Variants in ANKHD1 observed in about 807,000 individuals in gnomAD.
The protein encoded by ANKHD1 is ankyrin repeat and KH domain-containing protein 1.
Under a neutral mutation model 230.5 loss-of-function variants are expected in ANKHD1, and 31 were observed. That is an observed-to-expected ratio of 0.13 (90% confidence interval 0.10 to 0.18). The LOEUF (loss-of-function observed/expected upper bound fraction) is 0.18. Ranked by LOEUF, ANKHD1 falls within the 10% of genes least tolerant of loss-of-function variation. The pLI is 1.00. For missense variants in ANKHD1, 2,256 were observed against 3,071.3 expected, an observed-to-expected ratio of 0.73 and a Z score of 6.27; for synonymous variants, 1,074 against 1,117.6, an observed-to-expected ratio of 0.96 and a Z score of 0.78.
At chr5:140,453,240 G>T (rs953277116) in intron 7 of ANKHD1, among the ~76,000 whole-genome samples, 3 of 152,212 alleles carry the variant, frequency 2.0e-5, no homozygotes, top group Non-Finnish European at 4.4e-5. Flanking sequence ...CGTCTGATTG[G>T]TGTACCTGAA....
intron 1 of ANKHD1, among the ~76,000 whole-genome samples, chr5:140,422,822 A>G (rs923895779): frequency 1.5e-4 from 23 of 148,520 alleles, no homozygotes; most frequent in Admixed American, 1.2e-3. Flanking sequence ...GGGGGAAAAA[A>G]GACATCAGTC....
At chr5:140,480,448 T>A (rs1215046208) in intron 10 of ANKHD1, among the ~76,000 whole-genome samples, 2 of 152,126 alleles carry the variant, frequency 1.3e-5, no homozygotes. Context: ...TTTTCATGAT[T>A]TCATTTGAAA....
At chr5:140,424,921 G>T (rs1242791230) in intron 1 of ANKHD1, among the ~76,000 whole-genome samples, 1 of 152,174 alleles carries the variant, frequency 6.6e-6, no homozygotes, top group Non-Finnish European at 1.5e-5. Flanking sequence ...TCTTGGGCCA[G>T]TCACTTAACA....
intron 23 of ANKHD1, 113 bp downstream of exon 23, chr5:140,513,036 C>T (rs1752835352): frequency 9.7e-7 from 1 of 1,034,428 alleles, no homozygotes; most frequent in African/African-American, 1.6e-5. Context: ...CACCTGATCT[C>T]TTTATGCGTT....
At chr5:140,435,176 G>A (rs1773342618) in intron 1 of ANKHD1, among the ~76,000 whole-genome samples, 1 of 152,108 alleles carries the variant, frequency 6.6e-6, no homozygotes, top group Admixed American at 6.5e-5. Context: ...CCAGGTATCA[G>A]TGGGTTAGTT....
At chr5:140,416,244 A>C (rs1771378276) in intron 1 of ANKHD1, among the ~76,000 whole-genome samples, 1 of 152,174 alleles carries the variant, frequency 6.6e-6, no homozygotes, top group South Asian at 2.1e-4. Flanking sequence ...GCCGCAGTAA[A>C]CGTACGTGTG....
intron 1 of ANKHD1, among the ~76,000 whole-genome samples, chr5:140,402,899 A>G (rs889811664): frequency 6.7e-6 from 1 of 150,090 alleles, no homozygotes; most frequent in Admixed American, 6.6e-5. Flanking sequence ...GCTTCGGAAT[A>G]GCTGGGTAGC....
At chr5:140,522,975 G>A (rs1581371635) in intron 24 of ANKHD1, among the ~76,000 whole-genome samples, 1 of 151,502 alleles carries the variant, frequency 6.6e-6, no homozygotes, top group East Asian at 1.9e-4. Flanking sequence ...ATTTTCTTTG[G>A]AGAAATGTCT....
At chr5:140,489,631 T>C (rs1275702618) in intron 14 of ANKHD1, among the ~76,000 whole-genome samples, 1 of 152,258 alleles carries the variant, frequency 6.6e-6, no homozygotes, top group Non-Finnish European at 1.5e-5. Context: ...ATTTTTTAAG[T>C]TTATACTCTA....
intron 30 of ANKHD1, chr5:140,535,890 A>C (rs1369859242): frequency 2.1e-5 from 1 of 47,952 alleles, no homozygotes; most frequent in Admixed American, 2.4e-4. Context: ...CCCTGTCTCT[A>C]TTAAAAAAAA....
At chr5:140,456,060 T>G (rs1775158908) in intron 7 of ANKHD1, among the ~76,000 whole-genome samples, 1 of 152,116 alleles carries the variant, frequency 6.6e-6, no homozygotes, top group Non-Finnish European at 1.5e-5. Flanking sequence ...AGCATTCTTA[T>G]ACACCAATAA....
chr5:140,472,144 C>T, intron 10 of ANKHD1: 1 of 971,264 alleles, frequency 1.0e-6, no homozygotes, highest in Non-Finnish European at 1.6e-6. Flanking sequence ...TTAACAAAGC[C>T]CACCATCTGA....
rs567550820 is a variant in ANKHD1, at chr5:140,436,145, A to C, written c.348A>C (p.Pro116=). The change falls in exon 2 of 34, where the codon CCA becomes CCC. Residue 116 remains proline, a synonymous_variant. Transcript: ENST00000360839. ...FILDQEDLDN[P]VLKTTSEIFL... ...TGGACCAAGAAGATCTGGATAACCCAGTGCTTAAAACAACATCAGAGATAT... is the reference window on the plus strand; with the variant it reads ...TGGACCAAGAAGATCTGGATAACCCCGTGCTTAAAACAACATCAGAGATAT... 2 of 1,600,722 alleles carry C rather than the reference A, an allele frequency of 1.2e-6. No individual in the cohort carries two copies. The highest frequency in any genetic ancestry group is 2.3e-5 in the East Asian group (1 of 44,128).
At chr5:140,515,677 C>T (rs891554042) in intron 24 of ANKHD1, among the ~76,000 whole-genome samples, 2 of 152,212 alleles carry the variant, frequency 1.3e-5, no homozygotes, top group African/African-American at 4.8e-5. Flanking sequence ...CACCCCCCAG[C>T]AGGGTCAGAC....
At chr5:140,458,347 G>A (rs1414118019) in intron 7 of ANKHD1, among the ~76,000 whole-genome samples, 1 of 151,958 alleles carries the variant, frequency 6.6e-6, no homozygotes, top group Non-Finnish European at 1.5e-5. Flanking sequence ...AAATTATTTG[G>A]ATTTGTGACT....
At chr5:140,532,580 G>A (rs1193208137) in intron 29 of ANKHD1, among the ~76,000 whole-genome samples, 2 of 152,164 alleles carry the variant, frequency 1.3e-5, no homozygotes, top group Non-Finnish European at 2.9e-5. Flanking sequence ...AGGATTGCGG[G>A]TGTGAGCCAC....
At chr5:140,469,485 C>T (rs1581301715) in intron 10 of ANKHD1, among the ~76,000 whole-genome samples, 1 of 151,754 alleles carries the variant, frequency 6.6e-6, no homozygotes, top group South Asian at 2.1e-4. Context: ...CCAGCCGGGG[C>T]AATAGAGGGA....
chr5:140,534,315 C>G (rs1404020896), intron 29 of ANKHD1, among the ~76,000 whole-genome samples: 3 of 151,840 alleles, frequency 2.0e-5, no homozygotes. Flanking sequence ...TGGCATGAAC[C>G]CGGGAGGCGG....
chr5:140,458,242 CTG>C (rs1185073762), intron 7 of ANKHD1, among the ~76,000 whole-genome samples: 1 of 152,108 alleles, frequency 6.6e-6, no homozygotes, highest in Non-Finnish European at 1.5e-5. Flanking sequence ...GAGGGTATGA[CTG>C]TATTTGACCT....
Sources: allele counts gnomAD v4.1 joint callset (sites outside exome capture counted in the v4.1 genomes callset), GRCh38; gene constraint gnomAD v4.1.1; transcripts MANE v1.5; gene names NCBI Gene and HGNC (gene_info 2026-07-23, HGNC 2026-07-21).